The following FBXW4 variants were observed in gnomAD, a reference collection of about 807,000 sequenced individuals.
The protein encoded by FBXW4 is F-box and WD repeat domain containing 4.
Under a neutral mutation model 61.8 loss-of-function variants are expected in FBXW4, and 40 were observed. The observed-to-expected ratio is 0.65, with a 90% CI of 0.50 to 0.84. The LOEUF (loss-of-function observed/expected upper bound fraction) is 0.84, where lower values mean the gene tolerates loss of function less well. Ranked by LOEUF, FBXW4 falls within the 40% of genes least tolerant of loss-of-function variation. The pLI is 0.00. For synonymous variants in FBXW4, 311 were observed against 313.8 expected, an observed-to-expected ratio of 0.99 and a Z score of 0.10; for missense variants, 672 against 753.8, an observed-to-expected ratio of 0.89 and a Z score of 1.27.
chr10:101,641,676 C>G (rs774492232), intron 5 of FBXW4, among the ~76,000 whole-genome samples: 1 of 151,666 alleles, frequency 6.6e-6, no homozygotes, highest in African/African-American at 2.4e-5. Context: ...TGTGTCCCCC[C>G]AAACCCTCTC....
intron 5 of FBXW4, among the ~76,000 whole-genome samples, chr10:101,653,949 C>T (rs377225202): frequency 6.6e-6 from 1 of 151,970 alleles, no homozygotes; most frequent in African/African-American, 2.4e-5. Flanking sequence ...GGTCAAACCC[C>T]ATCTCTACTA....
intron 1 of FBXW4, among the ~76,000 whole-genome samples, chr10:101,679,372 A>G (rs939294301): frequency 6.6e-6 from 1 of 152,254 alleles, no homozygotes; most frequent in Non-Finnish European, 1.5e-5. Context: ...CATAAAGAGC[A>G]ATTATAATTC....
chr10:101,636,603 T>A (rs1038313272), intron 5 of FBXW4, among the ~76,000 whole-genome samples: 1 of 143,264 alleles, frequency 7.0e-6, no homozygotes, highest in Non-Finnish European at 1.6e-5. Flanking sequence ...TTTTTTTTTT[T>A]AAAGATGGAG....
chr10:101,642,586 C>A (rs1333690269), intron 5 of FBXW4, among the ~76,000 whole-genome samples: 2 of 152,188 alleles, frequency 1.3e-5, no homozygotes, highest in Non-Finnish European at 2.9e-5. Context: ...TCCCCTCCAT[C>A]CTCCTGCTCA....
intron 5 of FBXW4, among the ~76,000 whole-genome samples, chr10:101,644,587 C>CTGG (rs2064080741): frequency 6.6e-6 from 1 of 152,150 alleles, no homozygotes; most frequent in South Asian, 2.1e-4. Flanking sequence ...TCCAGAGGGC[C>CTGG]TGGGGCTGGA....
chr10:101,613,707 G>A (rs1273697596), intron 6 of FBXW4, among the ~76,000 whole-genome samples: 3 of 152,160 alleles, frequency 2.0e-5, no homozygotes, highest in Admixed American at 6.5e-5. Context: ...CCATCTTCCC[G>A]AAGGCCGAAG....
intron 1 of FBXW4, among the ~76,000 whole-genome samples, chr10:101,692,127 GA>G (rs2064610934): frequency 6.6e-6 from 1 of 151,530 alleles, no homozygotes; most frequent in Admixed American, 6.6e-5. Context: ...GTGTAGAAGT[GA>G]CACACACACA....
At chr10:101,666,934 A>AC (rs59895769) in intron 5 of FBXW4, among the ~76,000 whole-genome samples, 8 of 151,540 alleles carry the variant, frequency 5.3e-5, no homozygotes, top group Non-Finnish European at 1.0e-4. Flanking sequence ...TGAAAAAAAA[A>AC]CCACCCCATT....
chr10:101,630,333 C>T (rs369462709), intron 5 of FBXW4, among the ~76,000 whole-genome samples: 6 of 152,246 alleles, frequency 3.9e-5, no homozygotes, highest in South Asian at 4.2e-4. Context: ...AGTGGGCTCC[C>T]GAACCGCCCT....
intron 5 of FBXW4, among the ~76,000 whole-genome samples, chr10:101,648,115 GAAGAAGAT>G (rs1354548774): frequency 2.0e-5 from 3 of 152,196 alleles, no homozygotes; most frequent in Non-Finnish European, 4.4e-5. Context: ...CTACCAACCA[GAAGAAGAT>G]ATCCTGCGAT....
rs2064323359 is a variant in FBXW4, at chr10:101,668,039, G to A, written c.1141-59C>T. 3.8e-6 allele frequency: 5 copies of A among 1,316,978 alleles called. No homozygotes were observed. In the East Asian group the frequency reaches 1.2e-4, roughly 30 times the overall value. The allele number at this position is 1,316,978 out of a possible 1,614,324, so 81.6% of individuals were successfully genotyped here. On this transcript the variant is annotated intron_variant, in intron 4 of 8. Coordinates refer to ENST00000331272, the MANE Select transcript of FBXW4 (RefSeq NM_022039.4). ...TTGCCTGGGATCAGTGGGGAGGAGAGGTGCTCCGGGAGAGGTGACTGTTGG... is the reference window on the plus strand; with the variant it reads ...TTGCCTGGGATCAGTGGGGAGGAGAAGTGCTCCGGGAGAGGTGACTGTTGG...
rs565431278 is a variant in FBXW4, at chr10:101,642,149, G to C, written c.1236-17339C>G. Among the ~76,000 whole-genome samples the C allele has an allele frequency of 2.6e-5, 4 of 152,272 alleles. No individual in the cohort carries two copies. In the South Asian group the frequency reaches 8.3e-4, roughly 32 times the overall value. On this transcript the variant is annotated intron_variant, in intron 5 of 8. Coordinates refer to ENST00000331272, the MANE Select transcript of FBXW4 (RefSeq NM_022039.4). ...CCATTGCACTCCAGCTTGGGCAACA[G>C]AGTGAGACTCTATCTCAAAAAAGTA...
At chr10:101,666,413 T>G (rs544016470) in intron 5 of FBXW4, among the ~76,000 whole-genome samples, 1 of 152,232 alleles carries the variant, frequency 6.6e-6, no homozygotes, top group Non-Finnish European at 1.5e-5. Flanking sequence ...CGGCTCTAAT[T>G]CTTAGAAAGA....
chr10:101,694,304 A>C lies in FBXW4; in HGVS notation c.725+77T>G, dbSNP rs1324855848. 4 of 1,298,866 alleles carry C rather than the reference A, an allele frequency of 3.1e-6. No homozygotes were observed. The highest frequency in any genetic ancestry group is 3.9e-6 in the Non-Finnish European group (4 of 1,016,738). 80.5% of individuals were successfully genotyped at this position (1,298,866 alleles called of 1,614,324 possible). ...GGTGCGACACGACCCTGGGCCGACC[A>C]GGCCGCGGCGCCCCGCCCTTTCCCG... On this transcript the variant is annotated intron_variant, in intron 1 of 8. Transcript: ENST00000331272. This position sits in a 1 kb window ranked among gnomAD's most constrained non-coding sequence, Gnocchi z 6.0.
intron 6 of FBXW4, among the ~76,000 whole-genome samples, chr10:101,622,122 AT>A (rs754637281): frequency 8.6e-5 from 13 of 150,640 alleles, no homozygotes; most frequent in Non-Finnish European, 1.6e-4. Flanking sequence ...TGTTTTAAAA[AT>A]TTTGAAAAGA....
chr10:101,690,691 G>A (rs889262958), intron 1 of FBXW4, among the ~76,000 whole-genome samples: 5 of 152,214 alleles, frequency 3.3e-5, no homozygotes, highest in Admixed American at 6.5e-5. Flanking sequence ...GCCCTGGGCC[G>A]GAAGGTCAGT....
intron 5 of FBXW4, among the ~76,000 whole-genome samples, chr10:101,635,489 T>A (rs906503341): frequency 6.6e-6 from 1 of 151,614 alleles, no homozygotes; most frequent in Non-Finnish European, 1.5e-5. Context: ...GTGCCAAATA[T>A]GTTGGGGACT....
At chr10:101,665,274 T>C (rs553631442) in intron 5 of FBXW4, among the ~76,000 whole-genome samples, 98 of 152,246 alleles carry the variant, frequency 6.4e-4, no homozygotes, top group African/African-American at 2.3e-3. Flanking sequence ...AACTATTTTT[T>C]AAAAGACTCC....
At chr10:101,688,742 G>T (rs1414217988) in intron 1 of FBXW4, among the ~76,000 whole-genome samples, 1 of 152,172 alleles carries the variant, frequency 6.6e-6, no homozygotes, top group Non-Finnish European at 1.5e-5. Context: ...CACACCTGAG[G>T]TAAATTCTGA....
Sources: gnomAD v4.1 joint callset for allele counts (sites outside exome capture counted in the v4.1 genomes callset) on GRCh38, gnomAD v4.1.1 for gene constraint, Gnocchi (gnomAD v3.1) non-coding constraint, MANE v1.5 for transcripts, NCBI Gene and HGNC (gene_info 2026-07-23, HGNC 2026-07-21) for gene names.